The following MAST4 variants were observed in gnomAD, a reference collection of about 807,000 sequenced individuals.
MAST4 encodes the protein microtubule-associated serine/threonine-protein kinase 4.
A neutral mutation model predicts 162.7 loss-of-function variants in MAST4; 89 were observed. That is an observed-to-expected ratio of 0.55 (90% CI 0.46 to 0.65). The LOEUF (loss-of-function observed/expected upper bound fraction) is 0.65, where lower values mean the gene tolerates loss of function less well. MAST4 is among the 30% of genes least tolerant of loss of function. The pLI is 0.00. For missense variants in MAST4, 3,153 were observed against 3,374.0 expected (o/e 0.93, Z 1.62); for synonymous variants, 1,479 against 1,361.1 (o/e 1.09, Z -1.91).
intron 2 of MAST4, among the ~76,000 whole-genome samples, chr5:66,786,906 CTA>C (rs1263520624): frequency 6.6e-6 from 1 of 152,082 alleles, no homozygotes; most frequent in Non-Finnish European, 1.5e-5. Context: ...AAAAATCAAT[CTA>C]TTATGTAGGG....
intron 1 of MAST4, among the ~76,000 whole-genome samples, chr5:66,609,713 T>G (rs13155614): frequency 4.0e-5 from 6 of 149,720 alleles, no homozygotes; most frequent in South Asian, 2.1e-4. Flanking sequence ...TTGTTTTTTT[T>G]TTTTTGTTTT....
chr5:67,049,298 A>C (rs1374315939), intron 4 of MAST4, among the ~76,000 whole-genome samples: 2 of 151,822 alleles, frequency 1.3e-5, no homozygotes, highest in Non-Finnish European at 2.9e-5. Context: ...TTTCTATTAA[A>C]ATTTTTGAGA....
At chr5:66,839,836 G>C (rs1758290287) in intron 3 of MAST4, among the ~76,000 whole-genome samples, 1 of 152,116 alleles carries the variant, frequency 6.6e-6, no homozygotes, top group South Asian at 2.1e-4. Flanking sequence ...ATCTGTAATT[G>C]AAGATGGGTG....
intron 3 of MAST4, among the ~76,000 whole-genome samples, chr5:66,833,967 C>T (rs1448618163): frequency 1.3e-5 from 2 of 152,108 alleles, no homozygotes; most frequent in African/African-American, 4.8e-5. Context: ...ATGGAGATAA[C>T]TAAATGAGGC....
At chr5:67,153,609 CTGA>C (rs1458348691) in intron 26 of MAST4, 29 bp downstream of exon 26, 7 of 1,540,372 alleles carry the variant, frequency 4.5e-6, no homozygotes, top group Non-Finnish European at 6.1e-6. Context: ...CAGGGCCATG[CTGA>C]TGAGACAGGC....
rs568806328 is a variant in MAST4 at position 67,165,221 on chromosome 5, TCTC to T, written c.6046_6048del (p.Leu2016del). ...CGAAAACCAGTGACAACTCCAAAAA[TCTC>T]CTCTCTGTGGGAAGGACCCACCCAG... is the stretch of plus-strand genomic sequence containing the variant. On this transcript the variant is annotated inframe_deletion, in exon 29 of 29. Coordinates refer to ENST00000403625, the MANE Select transcript of MAST4 (RefSeq NM_001164664.2). 1.2e-3 allele frequency: 1,920 copies of T among 1,611,318 alleles called. 4 individuals carry two copies. The highest frequency in any genetic ancestry group is 1.5e-3 in the Non-Finnish European group (1,762 of 1,178,878).
At chr5:66,964,997 T>A (rs1203522713) in intron 4 of MAST4, among the ~76,000 whole-genome samples, 1 of 152,234 alleles carries the variant, frequency 6.6e-6, no homozygotes, top group Non-Finnish European at 1.5e-5. Flanking sequence ...AACAAATTTG[T>A]TTCTTTCATA....
intron 1 of MAST4, among the ~76,000 whole-genome samples, chr5:66,715,035 G>C (rs1750731968): frequency 6.6e-6 from 1 of 152,176 alleles, no homozygotes; most frequent in African/African-American, 2.4e-5. Flanking sequence ...CTTTCCAAGA[G>C]GCACTGGGCC....
intron 5 of MAST4, among the ~76,000 whole-genome samples, chr5:67,059,829 G>C (rs1759326371): frequency 6.6e-6 from 1 of 152,102 alleles, no homozygotes; most frequent in Non-Finnish European, 1.5e-5. Flanking sequence ...GTTACAAAGA[G>C]ACTTCATTTC....
intron 4 of MAST4, chr5:66,959,375 G>A: frequency 1.3e-6 from 1 of 769,828 alleles, no homozygotes. Context: ...TTTAGCATTT[G>A]TTTGTACTGA....
intron 4 of MAST4, among the ~76,000 whole-genome samples, chr5:67,025,499 A>G (rs1190007552): frequency 1.3e-5 from 2 of 152,178 alleles, no homozygotes; most frequent in African/African-American, 4.8e-5. Flanking sequence ...ATTCATAGAC[A>G]TCTTGGAAGT....
chr5:66,959,583 T>A (rs896549784), intron 4 of MAST4, among the ~76,000 whole-genome samples: 3 of 152,230 alleles, frequency 2.0e-5, no homozygotes, highest in African/African-American at 4.8e-5. Flanking sequence ...CAGTAGGCCA[T>A]GGTGTATCTG....
chr5:66,942,714 G>A (rs974945983), intron 4 of MAST4, among the ~76,000 whole-genome samples: 16 of 152,072 alleles, frequency 1.1e-4, no homozygotes, highest in African/African-American at 3.6e-4. Flanking sequence ...AGCCATGATC[G>A]ATGTCATGCT....
chr5:66,629,246 C>T (rs1004205840), intron 1 of MAST4, among the ~76,000 whole-genome samples: 16 of 152,132 alleles, frequency 1.1e-4, no homozygotes, highest in African/African-American at 3.9e-4. Context: ...ATATGTTCTC[C>T]TTGCCCCCAG....
At chr5:67,024,519 A>C (rs1754408557) in intron 4 of MAST4, among the ~76,000 whole-genome samples, 4 of 151,746 alleles carry the variant, frequency 2.6e-5, no homozygotes, top group Admixed American at 2.6e-4. Context: ...AAGACTTTCA[A>C]ATCTATTTTC....
chr5:67,094,645 G>T (rs921436304), intron 6 of MAST4, among the ~76,000 whole-genome samples: 7 of 152,038 alleles, frequency 4.6e-5, no homozygotes, highest in Non-Finnish European at 8.8e-5. Flanking sequence ...TAAAGTAATA[G>T]CTCTGGAATG....
intron 2 of MAST4, among the ~76,000 whole-genome samples, chr5:66,767,044 G>A (rs368619726): frequency 6.6e-6 from 1 of 152,168 alleles, no homozygotes; most frequent in Non-Finnish European, 1.5e-5. Flanking sequence ...GTTGGCAGAA[G>A]TGGAAAGAGA....
At chr5:66,732,952 C>T (rs1751941878) in intron 1 of MAST4, among the ~76,000 whole-genome samples, 1 of 152,116 alleles carries the variant, frequency 6.6e-6, no homozygotes, top group Non-Finnish European at 1.5e-5. Flanking sequence ...ATTTGAAAGT[C>T]CTGCTGTTTT....
intron 1 of MAST4, among the ~76,000 whole-genome samples, chr5:66,704,252 A>G (rs555923983): frequency 1.6e-4 from 24 of 152,198 alleles, no homozygotes; most frequent in Admixed American, 1.6e-3. Context: ...GCTGTAGTGT[A>G]TCAAGTACAT....
Sources: gnomAD v4.1 joint callset for allele counts (sites outside exome capture counted in the v4.1 genomes callset) on GRCh38, gnomAD v4.1.1 for gene constraint, MANE v1.5 for transcripts, NCBI Gene and HGNC (gene_info 2026-07-23, HGNC 2026-07-21) for gene names.